Variants in NEK4 observed in about 807,000 individuals in gnomAD.
NEK4 encodes the protein NIMA related kinase 4, also known as serine/threonine-protein kinase Nek4.
A neutral mutation model predicts 98.4 loss-of-function variants in NEK4; 86 were observed. The ratio of observed to expected loss-of-function variants is 0.87; its 90% CI spans 0.73 to 1.05. The LOEUF (loss-of-function observed/expected upper bound fraction) is 1.05. Among genes scored for constraint, NEK4 ranks in the 50% least tolerant of loss-of-function variants. The pLI is 0.00. For missense variants in NEK4, 898 were observed against 950.3 expected, an observed-to-expected ratio of 0.94 and a Z score of 0.72; for synonymous variants, 328 against 342.2, an observed-to-expected ratio of 0.96 and a Z score of 0.46.
At chr3:52,726,374 G>A (rs1366370604) in intron 15 of NEK4, among the ~76,000 whole-genome samples, 1 of 152,122 alleles carries the variant, frequency 6.6e-6, no homozygotes, top group African/African-American at 2.4e-5. Context: ...TGAGGCAGGT[G>A]AATCACGAGC....
intron 5 of NEK4, among the ~76,000 whole-genome samples, chr3:52,761,669 T>C (rs1698363120): frequency 6.6e-6 from 1 of 152,180 alleles, no homozygotes. Context: ...CAGAAGAAAC[T>C]AGATGAGGGG....
At chr3:52,721,697 T>C (rs530113478) in intron 15 of NEK4, among the ~76,000 whole-genome samples, 10 of 151,124 alleles carry the variant, frequency 6.6e-5, no homozygotes, top group African/African-American at 1.9e-4. Context: ...GATTACACCA[T>C]TGTACTCCAG....
chr3:52,752,955 A>ACACACACACACAC (rs1559441493), intron 6 of NEK4, among the ~76,000 whole-genome samples: 2 of 125,990 alleles, frequency 1.6e-5, no homozygotes, highest in African/African-American at 6.8e-5. Flanking sequence ...CACACACACA[A>ACACACACACACAC]TGGAATATTT....
intron 15 of NEK4, among the ~76,000 whole-genome samples, chr3:52,715,246 AACAG>A (rs1450907195): frequency 2.0e-5 from 3 of 152,244 alleles, no homozygotes; most frequent in African/African-American, 7.2e-5. Context: ...GCCAGAGCAG[AACAG>A]ACAATGGGAC....
intron 15 of NEK4, among the ~76,000 whole-genome samples, chr3:52,716,447 G>A (rs942009886): frequency 4.6e-5 from 7 of 152,200 alleles, no homozygotes; most frequent in Admixed American, 6.5e-5. Context: ...GTCGTATGAA[G>A]CTCTCTCTGT....
chr3:52,721,528 G>A (rs1360865576), intron 15 of NEK4, among the ~76,000 whole-genome samples: 1 of 151,910 alleles, frequency 6.6e-6, no homozygotes, highest in Non-Finnish European at 1.5e-5. Context: ...AGGAGTTCAA[G>A]ACCCGCCTGG....
intron 15 of NEK4, among the ~76,000 whole-genome samples, chr3:52,714,068 C>G (rs1452876351): frequency 6.6e-6 from 1 of 152,196 alleles, no homozygotes; most frequent in Non-Finnish European, 1.5e-5. Context: ...AACTTTGTCT[C>G]TACAAAGACT....
intron 2 of NEK4, among the ~76,000 whole-genome samples, chr3:52,766,963 G>A (rs34131802): frequency 0.059 from 8,984 of 151,918 alleles, 353 homozygotes; most frequent in Non-Finnish European, 0.084. Flanking sequence ...TCCGTAGTCC[G>A]GCCTGGGCGA....
At chr3:52,722,875 G>A (rs1002300165) in intron 15 of NEK4, among the ~76,000 whole-genome samples, 4 of 152,088 alleles carry the variant, frequency 2.6e-5, no homozygotes, top group Non-Finnish European at 5.9e-5. Context: ...TAGCCTGAGC[G>A]ACAGAGCGAG....
intron 5 of NEK4, among the ~76,000 whole-genome samples, chr3:52,762,893 A>C (rs1228748790): frequency 1.3e-5 from 2 of 152,038 alleles, no homozygotes; most frequent in Admixed American, 1.3e-4. Flanking sequence ...AAAAAAACAA[A>C]CAAAAAAAAG....
At chr3:52,731,495 C>A (rs1263744867) in intron 15 of NEK4, among the ~76,000 whole-genome samples, 1 of 152,126 alleles carries the variant, frequency 6.6e-6, no homozygotes, top group Non-Finnish European at 1.5e-5. Context: ...AAATGAGAGT[C>A]CAGAAATAAG....
At chr3:52,766,016 C>T (rs752174599) in intron 3 of NEK4, 22 bp from the exon 4 acceptor site, 13 of 1,531,934 alleles carry the variant, frequency 8.5e-6, no homozygotes, top group South Asian at 3.4e-5. Flanking sequence ...AAACAGTAAA[C>T]GGTTAAATGT....
chr3:52,734,065 A>C (rs1020476020), intron 15 of NEK4, among the ~76,000 whole-genome samples: 2 of 152,318 alleles, frequency 1.3e-5, no homozygotes, highest in South Asian at 4.1e-4. Context: ...TAATATATAA[A>C]GAGAGAACAG....
intron 15 of NEK4, among the ~76,000 whole-genome samples, chr3:52,731,274 A>G (rs2097369377): frequency 6.6e-6 from 1 of 152,168 alleles, no homozygotes. Context: ...TCTTCTCTCA[A>G]TTTCTTTAAG....
intron 15 of NEK4, among the ~76,000 whole-genome samples, chr3:52,726,642 T>G (rs2097364836): frequency 6.9e-6 from 1 of 145,776 alleles, no homozygotes; most frequent in Non-Finnish European, 1.5e-5. Context: ...GCACAGTGGC[T>G]CACACCTGTA....
chr3:52,737,754 A>C (rs773903923), intron 14 of NEK4, 35 bp from the exon 15 acceptor site: 1 of 1,561,726 alleles, frequency 6.4e-7, no homozygotes, highest in Admixed American at 1.9e-5. Flanking sequence ...GGGAAAAATA[A>C]ACACTTTTAC....
At chr3:52,741,969 A>G (rs1208519458) in intron 12 of NEK4, among the ~76,000 whole-genome samples, 2 of 151,918 alleles carry the variant, frequency 1.3e-5, no homozygotes, top group Non-Finnish European at 2.9e-5. Flanking sequence ...TAGTAGAGAC[A>G]GGGTTTCACC....
intron 15 of NEK4, among the ~76,000 whole-genome samples, chr3:52,723,722 A>G (rs1362907897): frequency 6.6e-6 from 1 of 152,202 alleles, no homozygotes; most frequent in East Asian, 1.9e-4. Context: ...ATAGAACACC[A>G]TCAAGCAGCC....
intron 5 of NEK4, 133 bp from the exon 6 acceptor site, chr3:52,761,069 A>C: frequency 1.7e-6 from 1 of 595,288 alleles, no homozygotes; most frequent in Non-Finnish European, 2.9e-6. Flanking sequence ...AGTTTTCTAA[A>C]AATCTAAGGG....
Sources: allele counts gnomAD v4.1 joint callset (sites outside exome capture counted in the v4.1 genomes callset), GRCh38; gene constraint gnomAD v4.1.1; transcripts MANE v1.5; gene names NCBI Gene and HGNC (gene_info 2026-07-23, HGNC 2026-07-21).